FSTL5: variants seen among roughly 807,000 people sequenced by gnomAD.
The protein encoded by FSTL5 is follistatin-related protein 5.
In FSTL5, 62 loss-of-function variants were observed where a neutral mutation model predicts 89.1. The ratio of observed to expected loss-of-function variants is 0.70; its 90% CI spans 0.57 to 0.86. FSTL5 has a LOEUF of 0.86. Ranked by LOEUF, FSTL5 falls within the 40% of genes least tolerant of loss-of-function variation. The pLI is 0.00. For synonymous variants in FSTL5, 383 were observed against 346.2 expected (o/e 1.11, Z -1.18); for missense variants, 1,057 against 1,001.6 (o/e 1.06, Z -0.75).
chr4:161,709,894 T>A (rs987476604), intron 6 of FSTL5, among the ~76,000 whole-genome samples: 2 of 152,188 alleles, frequency 1.3e-5, no homozygotes, highest in African/African-American at 4.8e-5. Flanking sequence ...AATATTAATA[T>A]TTAAATGGGA....
intron 1 of FSTL5, among the ~76,000 whole-genome samples, chr4:162,116,749 G>A (rs1333227330): frequency 6.6e-6 from 1 of 152,132 alleles, no homozygotes; most frequent in Non-Finnish European, 1.5e-5. Context: ...AAGAGCCCGC[G>A]AGGCTTCACA....
At chr4:161,560,379 ACAC>A (rs1732550901) in intron 8 of FSTL5, among the ~76,000 whole-genome samples, 1 of 151,914 alleles carries the variant, frequency 6.6e-6, no homozygotes, top group South Asian at 2.1e-4. Context: ...TAAACACTGA[ACAC>A]TCAGGCTATA....
chr4:161,688,741 T>G (rs931825231), intron 6 of FSTL5, among the ~76,000 whole-genome samples: 1 of 152,174 alleles, frequency 6.6e-6, no homozygotes, highest in Admixed American at 6.5e-5. Context: ...ATTATATTCT[T>G]TATATAATGA....
Position 161,553,989 on chromosome 4 carries a change from C to T in FSTL5, c.1016-11296G>A, listed in dbSNP as rs184208538. 4.5e-3 allele frequency among the ~76,000 whole-genome samples: 681 copies of T among 151,476 alleles called. 5 individuals are homozygous for T. In the Middle Eastern group the frequency reaches 0.055, roughly 12 times the overall value. ...AGCATCAAATGTAAATAATCAGATA[C>T]TATATACACATGACCAATTGCTCTA... On this transcript the variant is annotated intron_variant, in intron 8 of 15. Transcript: ENST00000306100.
intron 3 of FSTL5, among the ~76,000 whole-genome samples, chr4:161,978,544 G>A (rs1249124248): frequency 6.6e-6 from 1 of 151,986 alleles, no homozygotes; most frequent in Non-Finnish European, 1.5e-5. Flanking sequence ...AAAATAAGCT[G>A]CAGACGTCAT....
chr4:161,525,243 C>T (rs1032030083), intron 10 of FSTL5, among the ~76,000 whole-genome samples: 2 of 152,134 alleles, frequency 1.3e-5, no homozygotes, highest in Admixed American at 6.5e-5. Flanking sequence ...TTGATGTATT[C>T]AGTGTTGACC....
intron 12 of FSTL5, among the ~76,000 whole-genome samples, chr4:161,487,844 G>A (rs1037488832): frequency 2.0e-5 from 3 of 151,920 alleles, no homozygotes; most frequent in Admixed American, 1.3e-4. Context: ...TTCTGAATGA[G>A]GATTTATTCA....
chr4:161,572,760 G>A (rs139287716), intron 8 of FSTL5, among the ~76,000 whole-genome samples: 203 of 152,270 alleles, frequency 1.3e-3, no homozygotes, highest in Non-Finnish European at 2.3e-3. Context: ...GAGAGAAGAT[G>A]TCTGCATCAC....
At chr4:161,526,523 T>A (rs1731224835) in intron 10 of FSTL5, among the ~76,000 whole-genome samples, 1 of 152,190 alleles carries the variant, frequency 6.6e-6, no homozygotes, top group South Asian at 2.1e-4. Flanking sequence ...TCCTTGCCCA[T>A]GCCTATGTCC....
chr4:161,913,726 T>A (rs1024269243), intron 4 of FSTL5, among the ~76,000 whole-genome samples: 2 of 152,130 alleles, frequency 1.3e-5, no homozygotes, highest in Admixed American at 6.5e-5. Flanking sequence ...TCAAAGGAGA[T>A]AATTTTGGAT....
chr4:161,561,269 T>G (rs1732591457), intron 8 of FSTL5, among the ~76,000 whole-genome samples: 1 of 152,000 alleles, frequency 6.6e-6, no homozygotes, highest in South Asian at 2.1e-4. Context: ...GAATTTGACC[T>G]TACAGAATTC....
At chr4:162,129,571 C>CTTAA (rs1732217360) in intron 1 of FSTL5, among the ~76,000 whole-genome samples, 1 of 152,168 alleles carries the variant, frequency 6.6e-6, no homozygotes, top group Admixed American at 6.5e-5. Flanking sequence ...AGAGAAGGGA[C>CTTAA]TTAAGCCTTG....
intron 6 of FSTL5, among the ~76,000 whole-genome samples, chr4:161,744,510 C>T (rs1740126906): frequency 6.6e-6 from 1 of 152,112 alleles, no homozygotes; most frequent in African/African-American, 2.4e-5. Context: ...AAGTCTTACA[C>T]CTAATTCTAC....
At chr4:161,761,220 C>A (rs1014633716) in intron 5 of FSTL5, among the ~76,000 whole-genome samples, 2 of 152,180 alleles carry the variant, frequency 1.3e-5, no homozygotes, top group Non-Finnish European at 2.9e-5. Context: ...ATTAACAAAA[C>A]TACCTAACGC....
intron 4 of FSTL5, among the ~76,000 whole-genome samples, chr4:161,835,534 A>T (rs893241875): frequency 6.6e-6 from 1 of 152,226 alleles, no homozygotes; most frequent in Non-Finnish European, 1.5e-5. Flanking sequence ...ACATGGGAGA[A>T]AATTTTCACA....
At chr4:161,768,704 A>G (rs1741104299) in intron 5 of FSTL5, among the ~76,000 whole-genome samples, 1 of 151,970 alleles carries the variant, frequency 6.6e-6, no homozygotes. Flanking sequence ...AGTACAAAAG[A>G]AGCAACAGCG....
chr4:161,830,000 T>A (rs1234266970), intron 4 of FSTL5, among the ~76,000 whole-genome samples: 1 of 152,018 alleles, frequency 6.6e-6, no homozygotes, highest in Non-Finnish European at 1.5e-5. Context: ...AATGCAAAGA[T>A]CCAACAGAAT....
At chr4:161,853,394 A>G (rs1723397759) in intron 4 of FSTL5, among the ~76,000 whole-genome samples, 1 of 151,244 alleles carries the variant, frequency 6.6e-6, no homozygotes, top group Non-Finnish European at 1.5e-5. Context: ...CAGTCTCCTG[A>G]GTAGCTAGGA....
At chr4:162,148,322 A>C (rs971095919) in intron 1 of FSTL5, among the ~76,000 whole-genome samples, 4 of 152,086 alleles carry the variant, frequency 2.6e-5, no homozygotes, top group Non-Finnish European at 5.9e-5. Flanking sequence ...TCCAAAATAC[A>C]CTGAGAAAAA....
Sources: allele counts gnomAD v4.1 joint callset (sites outside exome capture counted in the v4.1 genomes callset), GRCh38; gene constraint gnomAD v4.1.1; transcripts MANE v1.5; gene names NCBI Gene and HGNC (gene_info 2026-07-23, HGNC 2026-07-21).